Variants in CAMK2G observed in about 807,000 individuals in gnomAD.
CAMK2G encodes the protein calcium/calmodulin dependent protein kinase II gamma.
CAMK2G carries 23 observed loss-of-function variants against 88.7 expected under a neutral mutation model. The ratio of observed to expected loss-of-function variants is 0.26; its 90% confidence interval spans 0.19 to 0.37. CAMK2G has a LOEUF of 0.37. Among genes scored for constraint, CAMK2G ranks in the 10% least tolerant of loss-of-function variants. CAMK2G has a pLI of 1.00. For missense variants in CAMK2G, 476 were observed against 780.8 expected (o/e 0.61, Z 4.65); for synonymous variants, 263 against 294.8 (o/e 0.89, Z 1.11).
At chr10:73,825,920 C>T (rs2133648866) in intron 15 of CAMK2G, among the ~76,000 whole-genome samples, 2 of 152,306 alleles carry the variant, frequency 1.3e-5, no homozygotes, top group South Asian at 4.1e-4. Flanking sequence ...ATTCACTGAC[C>T]TCAGGGAGCA....
In CAMK2G at chr10:73,848,773, TG is replaced by T. The variant is rs2094425797; in HGVS notation, c.518-165del. On this transcript the variant is annotated intron_variant, in intron 7 of 22. Transcript: ENST00000423381. The surrounding 1 kb of genome is among the most constrained non-coding windows in gnomAD (Gnocchi z 4.5). ...GACAGGCTGGGCTTCTTGTAGCGCC[TG>T]GAATCTGAACCAGACGGCAAAGCCG... 6.6e-6 allele frequency among the ~76,000 whole-genome samples: 1 copy of T among 152,248 alleles called. No individual in the cohort carries two copies.
In CAMK2G at chr10:73,873,576, C is replaced by CA. The variant is rs1259114138; in HGVS notation, c.66-494dup. On this transcript the variant is annotated intron_variant, in intron 1 of 22. Coordinates refer to ENST00000423381, the MANE Select transcript of CAMK2G (RefSeq NM_001367534.1). ...GGGCAAAGTGAGGCTCAAACCCCCC[C>CA]ACAGCCGGTTTCATCTCACTGCATC... 22 of 986,904 alleles carry CA rather than the reference C, an allele frequency of 2.2e-5. No individual in the cohort carries two copies. In the South Asian group the frequency reaches 4.5e-4, roughly 20 times the overall value. The allele number at this position is 986,904 out of a possible 1,614,324, so 61.1% of individuals were successfully genotyped here.
rs910435440 is a variant in CAMK2G at position 73,839,478 on chromosome 10, C to A, written c.1009+61G>T. ...CTGGTGAGTGGGCCCGGCATGCTGG[C>A]CCTCCTGGTGGGGTGGCAGGGGGCC... On this transcript the variant is annotated intron_variant, in intron 13 of 22. Transcript: ENST00000423381. The surrounding 1 kb of genome is among the most constrained non-coding windows in gnomAD (Gnocchi z 4.2). 5 of 988,202 alleles carry A rather than the reference C, an allele frequency of 5.1e-6. No homozygotes were observed. Among genetic ancestry groups the A allele is most frequent in the Non-Finnish European group, 6.5e-6 (5 of 764,542 alleles). 61.2% of individuals were successfully genotyped at this position (988,202 alleles called of 1,614,324 possible).
intron 14 of CAMK2G, among the ~76,000 whole-genome samples, chr10:73,832,660 T>C (rs2092635977): frequency 2.0e-5 from 3 of 152,220 alleles, no homozygotes; most frequent in Admixed American, 2.0e-4. Context: ...ATTTCTGCAC[T>C]TTATTTTTCA....
intron 14 of CAMK2G, among the ~76,000 whole-genome samples, chr10:73,832,790 A>C (rs1404544197): frequency 2.0e-5 from 3 of 152,090 alleles, no homozygotes; most frequent in Non-Finnish European, 4.4e-5. Flanking sequence ...TTAAATTTAA[A>C]AACATTTTTA....
intron 18 of CAMK2G, among the ~76,000 whole-genome samples, chr10:73,820,217 T>G (rs1461472113): frequency 1.3e-5 from 2 of 151,898 alleles, no homozygotes; most frequent in Admixed American, 6.6e-5. Context: ...AAGGGAGCAA[T>G]TCCAGGAGGC....
intron 15 of CAMK2G, among the ~76,000 whole-genome samples, chr10:73,827,550 C>T (rs762404545): frequency 3.3e-5 from 5 of 152,144 alleles, no homozygotes; most frequent in African/African-American, 7.2e-5. Context: ...CCCAGTGTCC[C>T]GTGAGAAAGA....
At chr10:73,847,155 G>C in intron 10 of CAMK2G, 70 bp downstream of exon 10, 1 of 1,513,372 alleles carries the variant, frequency 6.6e-7, no homozygotes, top group South Asian at 1.1e-5. Context: ...GTAAGAAGGA[G>C]GGGGTGGTGC....
chr10:73,867,381 T>C (rs1280770746), intron 2 of CAMK2G, among the ~76,000 whole-genome samples: 3 of 152,252 alleles, frequency 2.0e-5, no homozygotes, highest in African/African-American at 7.2e-5. Flanking sequence ...CAGAAAAGGG[T>C]CAGCCGTCTG....
intron 2 of CAMK2G, among the ~76,000 whole-genome samples, chr10:73,869,249 T>C (rs2095713352): frequency 6.6e-6 from 1 of 152,218 alleles, no homozygotes; most frequent in African/African-American, 2.4e-5. Flanking sequence ...CTGTATTTTT[T>C]AAACTAGTAC....
In CAMK2G at chr10:73,813,082, A is replaced by G. The variant is rs2084571570; in HGVS notation, c.*1436T>C. The G allele has an allele frequency of 6.5e-6, 1 of 152,712 alleles. No individual in the cohort carries two copies. Among genetic ancestry groups the G allele is most frequent in the Non-Finnish European group, 1.5e-5 (1 of 68,058 alleles). 9.5% of individuals were successfully genotyped at this position (152,712 alleles called of 1,614,324 possible). On this transcript the variant is annotated 3_prime_UTR_variant, in exon 23 of 23. Coordinates refer to ENST00000423381, the MANE Select transcript of CAMK2G (RefSeq NM_001367534.1). The stretch of plus-strand genomic sequence containing the variant: ...AAAGTGGAGATGTTTGTGCAGATAA[A>G]TCTGCAGCGTTGTTTTGAGGGAAAC...
intron 10 of CAMK2G, chr10:73,846,987 C>A (rs1047573182): frequency 5.9e-6 from 3 of 505,404 alleles, no homozygotes; most frequent in Admixed American, 6.6e-5. Context: ...CAGAACCAAT[C>A]CCAGCCTGAC....
chr10:73,816,135 G>T, intron 21 of CAMK2G: 1 of 985,484 alleles, frequency 1.0e-6, no homozygotes, highest in Non-Finnish European at 1.2e-6. Flanking sequence ...TAAGGAAGGG[G>T]AGGGTCTCAT....
intron 2 of CAMK2G, among the ~76,000 whole-genome samples, chr10:73,861,263 A>G (rs916096257): frequency 1.3e-5 from 2 of 152,228 alleles, no homozygotes; most frequent in African/African-American, 4.8e-5. Context: ...CGAGCCAGTG[A>G]GCAGCAGAGC....
intron 20 of CAMK2G, 81 bp downstream of exon 20, chr10:73,817,398 C>T: frequency 9.5e-7 from 1 of 1,051,302 alleles, no homozygotes; most frequent in East Asian, 2.4e-5. Context: ...TCCCTTTCCC[C>T]AGGGTCCTAA....
At chr10:73,855,840 G>A (rs979673472) in intron 3 of CAMK2G, among the ~76,000 whole-genome samples, 4 of 152,156 alleles carry the variant, frequency 2.6e-5, no homozygotes, top group African/African-American at 7.2e-5. Context: ...GACTGCTATC[G>A]ACATTTTTTT....
At chr10:73,822,910 G>C (rs941296538) in intron 17 of CAMK2G, among the ~76,000 whole-genome samples, 2 of 152,190 alleles carry the variant, frequency 1.3e-5, no homozygotes, top group East Asian at 3.9e-4. Context: ...CGCCCAGGCT[G>C]AAGTGCAGTG....
chr10:73,845,023 T>C (rs1026567895), intron 10 of CAMK2G, among the ~76,000 whole-genome samples: 9 of 152,104 alleles, frequency 5.9e-5, no homozygotes, highest in Admixed American at 1.3e-4. Context: ...TAACTCTCCC[T>C]ATCATTAAAT....
chr10:73,820,325 CCTTACG>C (rs2087498576), intron 18 of CAMK2G, among the ~76,000 whole-genome samples: 1 of 151,724 alleles, frequency 6.6e-6, no homozygotes, highest in African/African-American at 2.4e-5. Flanking sequence ...GGCTAGTGGT[CCTTACG>C]GGCCCACCAG....
Sources: gnomAD v4.1 joint callset for allele counts (sites outside exome capture counted in the v4.1 genomes callset) on GRCh38, gnomAD v4.1.1 for gene constraint, Gnocchi (gnomAD v3.1) non-coding constraint, MANE v1.5 for transcripts, NCBI Gene and HGNC (gene_info 2026-07-23, HGNC 2026-07-21) for gene names.